Variants in TBC1D4 observed in about 807,000 individuals in gnomAD.
TBC1D4 encodes TBC (Tre-2, BUB2, CDC16) domain-containing protein.
TBC1D4 carries 121 observed loss-of-function variants against 142.5 expected under a neutral mutation model. The observed-to-expected ratio is 0.85, with a 90% confidence interval of 0.73 to 0.99. The LOEUF is 0.99. TBC1D4 is among the 50% of genes least tolerant of loss of function. TBC1D4 has a pLI of 0.00. For missense variants in TBC1D4, 1,475 were observed against 1,606.6 expected, an observed-to-expected ratio of 0.92 and a Z score of 1.40; for synonymous variants, 630 against 628.2, an observed-to-expected ratio of 1.00 and a Z score of -0.04.
chr13:75,324,263 C>T lies in TBC1D4; in HGVS notation c.2172G>A (p.Leu724=). 2 of 1,613,808 alleles carry T rather than the reference C, an allele frequency of 1.2e-6. No homozygotes were observed. Among genetic ancestry groups the T allele is most frequent in the Non-Finnish European group, 1.7e-6 (2 of 1,179,796 alleles). The change falls in exon 11 of 21, where the codon CTG becomes CTA. Residue 724 remains leucine, a synonymous_variant. Transcript: ENST00000377636. ...LKSFYQNSGR[L]SPQYENEIRQ... ...TGATTTCATTTTCATACTGTGGGGA[C>T]AGTCTACCTGAATTCTGGTAAAAGC...
intron 15 of TBC1D4, among the ~76,000 whole-genome samples, chr13:75,305,242 CCT>C (rs1320805580): frequency 1.3e-5 from 2 of 152,196 alleles, no homozygotes; most frequent in African/African-American, 4.8e-5. Context: ...GTCCATAAAA[CCT>C]CTTTTTCTTT....
rs928158073 is a variant in TBC1D4 at position 75,463,350 on chromosome 13, A to G, written c.498+17920T>C. 3.3e-5 allele frequency among the ~76,000 whole-genome samples: 5 copies of G among 152,132 alleles called. No individual in the cohort carries two copies. The East Asian group carries it at 9.6e-4, about 29-fold the overall frequency. On this transcript the variant is annotated intron_variant, in intron 1 of 20. Transcript: ENST00000377636. The stretch of plus-strand genomic sequence containing the variant: ...GAGTCATAATTAAAAAAACCTGTAT[A>G]GGAAGGGGCCTTGGGTCCCCTAATG...
At chr13:75,388,586 T>C (rs1255113364) in intron 1 of TBC1D4, among the ~76,000 whole-genome samples, 1 of 152,230 alleles carries the variant, frequency 6.6e-6, no homozygotes, top group Non-Finnish European at 1.5e-5. Flanking sequence ...TTGGTGCCAC[T>C]GCATTGATAC....
intron 1 of TBC1D4, among the ~76,000 whole-genome samples, chr13:75,413,560 C>CATACAT (rs1445562689): frequency 6.6e-6 from 1 of 152,076 alleles, no homozygotes; most frequent in Non-Finnish European, 1.5e-5. Context: ...TGGCCCAAGA[C>CATACAT]AATTCTTCTT....
intron 1 of TBC1D4, among the ~76,000 whole-genome samples, chr13:75,424,236 G>A (rs1478234020): frequency 6.9e-6 from 1 of 145,146 alleles, no homozygotes; most frequent in African/African-American, 2.6e-5. Flanking sequence ...TCATGCCACT[G>A]CATTCCTGCC....
intron 1 of TBC1D4, among the ~76,000 whole-genome samples, chr13:75,470,280 A>G (rs930743878): frequency 2.0e-5 from 3 of 152,200 alleles, no homozygotes; most frequent in Non-Finnish European, 4.4e-5. Flanking sequence ...ATATATGAAC[A>G]AATGAGCTGG....
intron 7 of TBC1D4, among the ~76,000 whole-genome samples, chr13:75,337,887 G>A (rs779435489): frequency 3.3e-5 from 5 of 152,142 alleles, no homozygotes; most frequent in African/African-American, 4.8e-5. Flanking sequence ...CATGTATTTA[G>A]TTAAAATATT....
chr13:75,420,099 C>G (rs1886098855), intron 1 of TBC1D4, among the ~76,000 whole-genome samples: 1 of 152,110 alleles, frequency 6.6e-6, no homozygotes, highest in Admixed American at 6.6e-5. Flanking sequence ...TTGGCAGAGA[C>G]AGAATAGGCC....
At chr13:75,404,177 C>T (rs751141791) in intron 1 of TBC1D4, among the ~76,000 whole-genome samples, 21 of 151,838 alleles carry the variant, frequency 1.4e-4, no homozygotes, top group Admixed American at 6.6e-5. Flanking sequence ...AAAAAGATGG[C>T]GCAGTAAGAA....
At chr13:75,420,428 T>C (rs1886115595) in intron 1 of TBC1D4, among the ~76,000 whole-genome samples, 1 of 152,256 alleles carries the variant, frequency 6.6e-6, no homozygotes, top group Admixed American at 6.5e-5. Flanking sequence ...TTCAAAGGTT[T>C]GAATTTCTTT....
intron 15 of TBC1D4, among the ~76,000 whole-genome samples, chr13:75,304,885 A>C (rs1877006000): frequency 6.6e-6 from 1 of 152,212 alleles, no homozygotes; most frequent in Admixed American, 6.5e-5. Flanking sequence ...AATAGAGCAC[A>C]CAATACAAGG....
chr13:75,391,849 C>T (rs954042663), intron 1 of TBC1D4, among the ~76,000 whole-genome samples: 1 of 152,218 alleles, frequency 6.6e-6, no homozygotes, highest in Non-Finnish European at 1.5e-5. Flanking sequence ...GAGCAGGAGG[C>T]TTCCTCCTGT....
intron 1 of TBC1D4, among the ~76,000 whole-genome samples, chr13:75,477,902 G>A (rs929867175): frequency 6.6e-6 from 1 of 152,212 alleles, no homozygotes; most frequent in Non-Finnish European, 1.5e-5. Flanking sequence ...GGCTTGACTA[G>A]AGACAGATCT....
chr13:75,426,328 T>C (rs78397079), intron 1 of TBC1D4, among the ~76,000 whole-genome samples: 6,167 of 152,260 alleles, frequency 0.041, 151 homozygotes, highest in Non-Finnish European at 0.048. Flanking sequence ...AAAATCCTTT[T>C]TGATAATGTT....
At chr13:75,450,283 G>C (rs372862669) in intron 1 of TBC1D4, among the ~76,000 whole-genome samples, 1 of 151,964 alleles carries the variant, frequency 6.6e-6, no homozygotes, top group Admixed American at 6.6e-5. Flanking sequence ...CAGAATTTCC[G>C]TTTTCCTCCA....
intron 4 of TBC1D4, among the ~76,000 whole-genome samples, chr13:75,352,829 G>A (rs1023912482): frequency 6.6e-6 from 1 of 152,192 alleles, no homozygotes; most frequent in African/African-American, 2.4e-5. Flanking sequence ...CAGGTGTGGT[G>A]TTGCAATACA....
rs1036128 is a variant in TBC1D4, at chr13:75,283,991, C to T, written c.*2801G>A. The stretch of plus-strand genomic sequence containing the variant: ...CTCACTGCAAGCTCACTGCAAGCTC[C>T]GCCTCCCAGGTTCAAACTATTCTCC... On this transcript the variant is annotated 3_prime_UTR_variant, in exon 21 of 21. Transcript: ENST00000377636. 0.099 allele frequency among the ~76,000 whole-genome samples: 15,073 copies of T among 151,960 alleles called. 2,451 individuals are homozygous for T. Among genetic ancestry groups the T allele is most frequent in the African/African-American group, 0.34 (13,892 of 41,366 alleles).
intron 1 of TBC1D4, among the ~76,000 whole-genome samples, chr13:75,381,858 T>C: frequency 6.6e-6 from 1 of 152,042 alleles, no homozygotes; most frequent in East Asian, 1.9e-4. Context: ...AATGATACAA[T>C]GAAATAAGTG....
At chr13:75,294,270 G>T (rs184356064) in intron 18 of TBC1D4, among the ~76,000 whole-genome samples, 110 of 152,288 alleles carry the variant, frequency 7.2e-4, no homozygotes, top group Non-Finnish European at 1.2e-3. Context: ...TCAGTAACTT[G>T]CCCTGAGCTC....
Sources: gnomAD v4.1 joint callset for allele counts (sites outside exome capture counted in the v4.1 genomes callset) on GRCh38, gnomAD v4.1.1 for gene constraint, MANE v1.5 for transcripts, NCBI Gene and HGNC (gene_info 2026-07-23, HGNC 2026-07-21) for gene names.